ST3GAL6: variants seen among roughly 807,000 people sequenced by gnomAD.
ST3GAL6 encodes the protein ST3 beta-galactoside alpha-2,3-sialyltransferase 6.
A neutral mutation model predicts 40.5 loss-of-function variants in ST3GAL6; 31 were observed. The ratio of observed to expected loss-of-function variants is 0.77; its 90% CI spans 0.58 to 1.03. The LOEUF (loss-of-function observed/expected upper bound fraction) is 1.03. Among genes scored for constraint, ST3GAL6 ranks in the 50% least tolerant of loss-of-function variants. ST3GAL6 has a pLI of 0.00. For missense variants in ST3GAL6, 357 were observed against 393.2 expected (o/e 0.91, Z 0.78); for synonymous variants, 129 against 136.9 (o/e 0.94, Z 0.40).
chr3:98,792,306 G>A (rs1941272853), intron 9 of ST3GAL6, among the ~76,000 whole-genome samples: 1 of 152,134 alleles, frequency 6.6e-6, no homozygotes, highest in East Asian at 1.9e-4. Context: ...TGCTGTGTTT[G>A]AGATATTACA....
intron 4 of ST3GAL6, chr3:98,773,396 A>G (rs1195870237): frequency 6.5e-6 from 1 of 152,906 alleles, no homozygotes; most frequent in Non-Finnish European, 1.5e-5. Flanking sequence ...ATGATAAAAC[A>G]CTTTCCCTTC....
chr3:98,792,434 A>G (rs79742231), intron 9 of ST3GAL6, among the ~76,000 whole-genome samples: 4,685 of 152,210 alleles, frequency 0.031, 215 homozygotes, highest in African/African-American at 0.11. Flanking sequence ...ACCAACTTTC[A>G]TACTGGATCA....
At chr3:98,763,698 G>A (rs1246054794) in intron 1 of ST3GAL6, among the ~76,000 whole-genome samples, 1 of 150,406 alleles carries the variant, frequency 6.6e-6, no homozygotes, top group Non-Finnish European at 1.5e-5. Flanking sequence ...CCTCACCCCA[G>A]GGCAGATGGG....
chr3:98,773,748 C>T (rs1939241726), intron 4 of ST3GAL6, among the ~76,000 whole-genome samples, 172 bp from the exon 5 acceptor site: 1 of 151,964 alleles, frequency 6.6e-6, no homozygotes, highest in Non-Finnish European at 1.5e-5. Flanking sequence ...TTTGAATGGG[C>T]CTGCTGAAGT....
chr3:98,735,091 T>C (rs1459200402), intron 1 of ST3GAL6, among the ~76,000 whole-genome samples: 3 of 152,220 alleles, frequency 2.0e-5, no homozygotes, highest in Non-Finnish European at 4.4e-5. Context: ...GCACCCACTC[T>C]GATTTTTGGT....
chr3:98,733,679 T>A (rs1935259717), intron 1 of ST3GAL6: 1 of 803,912 alleles, frequency 1.2e-6, no homozygotes, highest in Non-Finnish European at 1.5e-6. Context: ...GCTCCGGAGA[T>A]CCCGGCAATC....
intron 6 of ST3GAL6, among the ~76,000 whole-genome samples, chr3:98,785,718 G>T (rs1476612609): frequency 6.6e-6 from 1 of 152,202 alleles, no homozygotes; most frequent in Non-Finnish European, 1.5e-5. Context: ...AGGGTTTTAA[G>T]CAAGAGAACA....
At chr3:98,736,719 C>T (rs1013576653) in intron 1 of ST3GAL6, among the ~76,000 whole-genome samples, 2 of 152,140 alleles carry the variant, frequency 1.3e-5, no homozygotes, top group East Asian at 3.8e-4. Context: ...GGGTTGGGAG[C>T]GTGCCGTGTT....
intron 1 of ST3GAL6, chr3:98,756,378 G>C: frequency 3.1e-6 from 4 of 1,289,808 alleles, no homozygotes; most frequent in Non-Finnish European, 4.0e-6. Context: ...GCATTTGCAA[G>C]TGAGGAAGCA....
intron 3 of ST3GAL6, among the ~76,000 whole-genome samples, chr3:98,772,090 A>G (rs745713089): frequency 6.6e-6 from 1 of 152,160 alleles, no homozygotes; most frequent in Non-Finnish European, 1.5e-5. Context: ...GTGAAAAAAG[A>G]TATCCTTTCC....
chr3:98,793,657 TG>T lies in ST3GAL6; in HGVS notation c.910-17del. 6.6e-7 allele frequency: 1 copy of T among 1,518,230 alleles called. No homozygotes were observed. Among genetic ancestry groups the T allele is most frequent in the South Asian group, 1.3e-5 (1 of 79,712 alleles). The allele number at this position is 1,518,230 out of a possible 1,614,324, so 94.0% of individuals were successfully genotyped here. A position where few individuals can be genotyped will look rare whatever the true frequency, so the allele number is the denominator to read the frequency against. On this transcript the variant is annotated splice_polypyrimidine_tract_variant and intron_variant, in intron 9 of 9. Coordinates refer to ENST00000483910, the MANE Select transcript of ST3GAL6 (RefSeq NM_001323368.2). Reference sequence around the variant, plus strand: ...GAGATTGGGAAAGAATGATGGTAATTGTATTTTTCTTCTTTAGAACGCGTAT... The same window carrying T: ...GAGATTGGGAAAGAATGATGGTAATTTATTTTTCTTCTTTAGAACGCGTAT...
intron 2 of ST3GAL6, among the ~76,000 whole-genome samples, chr3:98,769,466 C>T (rs1938731987): frequency 6.6e-6 from 1 of 152,212 alleles, no homozygotes; most frequent in South Asian, 2.1e-4. Context: ...ATCCCTACAT[C>T]TTTGCCACAT....
rs555634022 is a variant in ST3GAL6, at chr3:98,740,989, C to T, written c.-12+8457C>T. Among the ~76,000 whole-genome samples, 13 of 151,860 alleles carry T rather than the reference C, an allele frequency of 8.6e-5. No individual in the cohort carries two copies. In the South Asian group the frequency reaches 1.7e-3, roughly 19 times the overall value. On this transcript the variant is annotated intron_variant, in intron 1 of 9. Transcript: ENST00000265261. ...GCGAACAGCAACAAATACTTTGCAT[C>T]TATCATATGCCAAGTACTCTGCTAT...
intron 1 of ST3GAL6, among the ~76,000 whole-genome samples, chr3:98,768,018 A>G (rs1576085073): frequency 6.6e-6 from 1 of 152,336 alleles, no homozygotes; most frequent in Admixed American, 6.5e-5. Flanking sequence ...TGAAATATTC[A>G]CAGTTTAAGG....
At chr3:98,792,487 A>AT (rs936073741) in intron 9 of ST3GAL6, among the ~76,000 whole-genome samples, 4 of 149,656 alleles carry the variant, frequency 2.7e-5, no homozygotes, top group South Asian at 2.1e-4. Flanking sequence ...TTTGTATTTT[A>AT]TTTTTTTTAA....
intron 6 of ST3GAL6, among the ~76,000 whole-genome samples, chr3:98,785,435 A>G (rs1196338795): frequency 6.6e-6 from 1 of 152,234 alleles, no homozygotes; most frequent in South Asian, 2.1e-4. Flanking sequence ...AGAAAGAGAC[A>G]TCTAAGCAGG....
chr3:98,781,444 T>G (rs1250702448), intron 5 of ST3GAL6, among the ~76,000 whole-genome samples: 2 of 151,450 alleles, frequency 1.3e-5, no homozygotes, highest in Non-Finnish European at 2.9e-5. Flanking sequence ...AACCTGCACG[T>G]TCTGCACATG....
intron 8 of ST3GAL6, among the ~76,000 whole-genome samples, chr3:98,790,424 CTTTTGACTGCT>C (rs771685864): frequency 2.3e-4 from 35 of 152,110 alleles, no homozygotes; most frequent in Non-Finnish European, 4.3e-4. Context: ...TGAAGCCACT[CTTTTGACTGCT>C]TTTGTTTCCT....
At chr3:98,787,900 T>C (rs1044726494) in intron 6 of ST3GAL6, 136 bp from the exon 7 acceptor site, 2 of 635,102 alleles carry the variant, frequency 3.1e-6, no homozygotes, top group Non-Finnish European at 5.2e-6. Flanking sequence ...TGTGAAAGAT[T>C]GATCTATTGC....
Sources: allele counts gnomAD v4.1 joint callset (sites outside exome capture counted in the v4.1 genomes callset), GRCh38; gene constraint gnomAD v4.1.1; transcripts MANE v1.5; gene names NCBI Gene and HGNC (gene_info 2026-07-23, HGNC 2026-07-21).